Variants in RGS20 observed in about 807,000 individuals in gnomAD.
The protein encoded by RGS20 is gz-selective GTPase-activating protein.
A neutral mutation model predicts 33.6 loss-of-function variants in RGS20; 30 were observed. The observed-to-expected ratio is 0.89, with a 90% CI of 0.67 to 1.21. RGS20 has a LOEUF of 1.21. Among genes scored for constraint, RGS20 ranks in the 50% most tolerant of loss-of-function variants. The probability of loss-of-function intolerance (pLI) is 0.00; values close to 1 mark genes in which losing one functional copy is unlikely to be tolerated. For synonymous variants in RGS20, 208 were observed against 197.9 expected (o/e 1.05, Z -0.43); for missense variants, 472 against 502.4 (o/e 0.94, Z 0.58).
chr8:53,905,415 A>G (rs1372339768), intron 2 of RGS20, among the ~76,000 whole-genome samples: 1 of 152,194 alleles, frequency 6.6e-6, no homozygotes, highest in Non-Finnish European at 1.5e-5. Flanking sequence ...ATTTGTGCTG[A>G]AGTCAGTGCA....
chr8:53,943,327 G>A (rs1814363979), intron 3 of RGS20, among the ~76,000 whole-genome samples: 1 of 152,080 alleles, frequency 6.6e-6, no homozygotes, highest in African/African-American at 2.4e-5. Flanking sequence ...TCTTTTCTAA[G>A]TACTTGTGAA....
intron 2 of RGS20, among the ~76,000 whole-genome samples, chr8:53,886,717 C>A (rs1211855938): frequency 6.6e-6 from 1 of 152,140 alleles, no homozygotes; most frequent in Non-Finnish European, 1.5e-5. Flanking sequence ...TACATTTGTG[C>A]CCCTCTGAAG....
At chr8:53,911,504 G>A (rs1252633402) in intron 2 of RGS20, among the ~76,000 whole-genome samples, 2 of 152,074 alleles carry the variant, frequency 1.3e-5, no homozygotes, top group Admixed American at 6.6e-5. Context: ...TAATGCCAAC[G>A]TATTTGAAAA....
intron 4 of RGS20, among the ~76,000 whole-genome samples, chr8:53,951,909 C>T (rs566708434): frequency 4.6e-4 from 69 of 151,390 alleles, no homozygotes; most frequent in Admixed American, 9.9e-4. Context: ...CCCAGCTAGT[C>T]GGGAGGCTGA....
chr8:53,856,856 G>GATTATTAAT (rs1323252262), intron 1 of RGS20, among the ~76,000 whole-genome samples: 5 of 152,108 alleles, frequency 3.3e-5, no homozygotes, highest in African/African-American at 4.8e-5. Context: ...TTGAGCAGCT[G>GATTATTAAT]ATCAAAGCAC....
rs190477108 is a variant in RGS20 at position 53,948,615 on chromosome 8, T to A, written c.743+1867T>A. On this transcript the variant is annotated intron_variant, in intron 4 of 5. Coordinates refer to ENST00000297313, the MANE Select transcript of RGS20 (RefSeq NM_170587.4). ...AGTACATATTTACATATGCTATATA[T>A]GATACAGTACATATTTACATATGCT... Among the ~76,000 whole-genome samples the A allele has an allele frequency of 8.5e-4, 100 of 117,000 alleles. 9 individuals are homozygous for A. The highest frequency in any genetic ancestry group is 1.3e-3 in the Non-Finnish European group (73 of 57,766). 76.8% of individuals were successfully genotyped at this position (117,000 alleles called of 152,430 possible). A position where few individuals can be genotyped will look rare whatever the true frequency, so the allele number is the denominator to read the frequency against.
chr8:53,917,092 A>G (rs35583538), intron 2 of RGS20, among the ~76,000 whole-genome samples: 43,627 of 152,000 alleles, frequency 0.29, 6,448 homozygotes, highest in African/African-American at 0.35. Context: ...TGTTTTTTTC[A>G]GTTCTGGAAA....
intron 2 of RGS20, among the ~76,000 whole-genome samples, chr8:53,915,403 G>T (rs73680368): frequency 0.065 from 9,856 of 151,372 alleles, 867 homozygotes; most frequent in African/African-American, 0.2. Context: ...ATCTCCCGGA[G>T]TTCAGACCAG....
chr8:53,936,534 A>G (rs1017606544), intron 2 of RGS20, among the ~76,000 whole-genome samples: 1 of 152,162 alleles, frequency 6.6e-6, no homozygotes, highest in Non-Finnish European at 1.5e-5. Flanking sequence ...TAGAAATACA[A>G]CTTACAAGGG....
chr8:53,860,029 G>A (rs566629223), intron 1 of RGS20, among the ~76,000 whole-genome samples: 4 of 152,284 alleles, frequency 2.6e-5, no homozygotes, highest in Non-Finnish European at 2.9e-5. Flanking sequence ...AGGTTCTCTA[G>A]AAACCATTTA....
At chr8:53,936,032 T>C (rs1173773201) in intron 2 of RGS20, among the ~76,000 whole-genome samples, 3 of 152,288 alleles carry the variant, frequency 2.0e-5, no homozygotes, top group African/African-American at 7.2e-5. Context: ...GAAAAGGCCT[T>C]CAATAAAATT....
At chr8:53,894,827 A>T (rs1257068952) in intron 2 of RGS20, among the ~76,000 whole-genome samples, 3 of 152,240 alleles carry the variant, frequency 2.0e-5, no homozygotes, top group African/African-American at 7.2e-5. Flanking sequence ...ACATTTGCTC[A>T]TGTAAACATA....
rs955236868 is a variant in RGS20 at position 53,877,992 on chromosome 8, G to T, written c.166-1266G>T. ...CACGAGGCCGCTCGCGACCGCTCCC[G>T]CCTTCAGGACCCTGGAGAGCGGCCG... On this transcript the variant is annotated intron_variant, in intron 1 of 5. Coordinates refer to ENST00000297313, the MANE Select transcript of RGS20 (RefSeq NM_170587.4). The surrounding 1 kb of genome is among the most constrained non-coding windows in gnomAD (Gnocchi z 5.7). Among the ~76,000 whole-genome samples the T allele has an allele frequency of 6.6e-6, 1 of 152,130 alleles. No homozygotes were observed. Among genetic ancestry groups the T allele is most frequent in the African/African-American group, 2.4e-5 (1 of 41,428 alleles).
At chr8:53,949,105 G>A (rs1368382123) in intron 4 of RGS20, among the ~76,000 whole-genome samples, 6 of 3,536 alleles carry the variant, frequency 1.7e-3, no homozygotes, top group Non-Finnish European at 1.7e-3. Flanking sequence ...ATTTATATAT[G>A]CTATATAAGA....
intron 2 of RGS20, among the ~76,000 whole-genome samples, chr8:53,938,257 G>A (rs1045055739): frequency 2.0e-4 from 31 of 152,128 alleles, no homozygotes; most frequent in African/African-American, 7.5e-4. Context: ...GCCGGAAACC[G>A]TCATTCTCAG....
chr8:53,916,669 G>T (rs560781648), intron 2 of RGS20, among the ~76,000 whole-genome samples: 56 of 152,196 alleles, frequency 3.7e-4, no homozygotes, highest in Non-Finnish European at 3.8e-4. Flanking sequence ...GTGGATTTTT[G>T]TTTATTTGTC....
intron 2 of RGS20, among the ~76,000 whole-genome samples, chr8:53,901,687 G>C (rs572665121): frequency 6.6e-6 from 1 of 152,268 alleles, no homozygotes; most frequent in South Asian, 2.1e-4. Context: ...GAGGTACTTA[G>C]AGTAGTCAAA....
chr8:53,955,611 C>G (rs969486118), intron 5 of RGS20, among the ~76,000 whole-genome samples: 5 of 152,110 alleles, frequency 3.3e-5, no homozygotes. Flanking sequence ...AGGTGGATCA[C>G]CTGAGGTCAG....
At chr8:53,903,626 A>G (rs764805017) in intron 2 of RGS20, among the ~76,000 whole-genome samples, 2 of 152,148 alleles carry the variant, frequency 1.3e-5, no homozygotes, top group African/African-American at 2.4e-5. Context: ...AGCCTGAGCC[A>G]AGCAGCATCA....
Sources: allele counts gnomAD v4.1 joint callset (sites outside exome capture counted in the v4.1 genomes callset), GRCh38; gene constraint gnomAD v4.1.1; non-coding constraint Gnocchi (gnomAD v3.1); transcripts MANE v1.5; gene names NCBI Gene and HGNC (gene_info 2026-07-23, HGNC 2026-07-21).